USH2A: variants seen among roughly 807,000 people sequenced by gnomAD.
USH2A encodes usherin, also known as Usher syndrome 2A (autosomal recessive, mild).
A neutral mutation model predicts 538.9 loss-of-function variants in USH2A; 443 were observed. The observed-to-expected ratio is 0.82, with a 90% CI of 0.76 to 0.89. USH2A has a LOEUF of 0.89. Among genes scored for constraint, USH2A ranks in the 40% least tolerant of loss-of-function variants. USH2A has a pLI of 0.00. For missense variants in USH2A, 6,633 were observed against 6,324.8 expected, an observed-to-expected ratio of 1.05 and a Z score of -1.65; for synonymous variants, 2,413 against 2,273.5, an observed-to-expected ratio of 1.06 and a Z score of -1.75.
chr1:216,397,534 A>G (rs1050476180), intron 3 of USH2A, among the ~76,000 whole-genome samples: 1 of 152,248 alleles, frequency 6.6e-6, no homozygotes, highest in Non-Finnish European at 1.5e-5. Context: ...TAAAGCAGAC[A>G]GAAGAAGGGG....
chr1:215,788,046 T>G (rs1221146055), intron 51 of USH2A, among the ~76,000 whole-genome samples: 2 of 152,162 alleles, frequency 1.3e-5, no homozygotes, highest in South Asian at 2.1e-4. Flanking sequence ...TGTGTGTGTA[T>G]GTGTGTGTAT....
chr1:215,967,340 T>C (rs944089574), intron 36 of USH2A, among the ~76,000 whole-genome samples: 5 of 152,092 alleles, frequency 3.3e-5, no homozygotes, highest in African/African-American at 1.2e-4. Flanking sequence ...AGCTAACTTT[T>C]GTATTTTTAG....
chr1:215,795,796 G>T (rs1042911105), intron 50 of USH2A, among the ~76,000 whole-genome samples: 1 of 152,146 alleles, frequency 6.6e-6, no homozygotes, highest in African/African-American at 2.4e-5. Context: ...ACGTTACTAT[G>T]ACTTTAAGCA....
At chr1:215,723,813 G>A (rs999270663) in intron 61 of USH2A, among the ~76,000 whole-genome samples, 1 of 152,156 alleles carries the variant, frequency 6.6e-6, no homozygotes, top group African/African-American at 2.4e-5. Flanking sequence ...TACTTGGGAT[G>A]CGATTTAAAA....
chr1:216,043,345 C>CA (rs2030371312), intron 32 of USH2A, among the ~76,000 whole-genome samples: 1 of 151,706 alleles, frequency 6.6e-6, no homozygotes, highest in South Asian at 2.1e-4. Context: ...ATTGCAGTCC[C>CA]AATATGCTTC....
intron 37 of USH2A, among the ~76,000 whole-genome samples, chr1:215,943,507 A>G (rs924896617): frequency 1.3e-5 from 2 of 152,164 alleles, no homozygotes; most frequent in East Asian, 1.9e-4. Flanking sequence ...GATTAGAAAC[A>G]TAACTTAATT....
chr1:216,254,870 TG>T (rs1256124106), intron 11 of USH2A, among the ~76,000 whole-genome samples: 1 of 152,218 alleles, frequency 6.6e-6, no homozygotes, highest in African/African-American at 2.4e-5. Context: ...CAATTTTTAT[TG>T]TTTTTAGCCA....
chr1:216,040,117 A>G (rs2030208977), intron 32 of USH2A, among the ~76,000 whole-genome samples: 1 of 151,292 alleles, frequency 6.6e-6, no homozygotes, highest in Admixed American at 6.6e-5. Context: ...GCTATTATCT[A>G]TATCTTACTG....
chr1:216,232,214 A>G lies in USH2A; in HGVS notation c.2810-78T>C. 2.1e-6 allele frequency: 3 copies of G among 1,447,752 alleles called. No individual in the cohort carries two copies. In the South Asian group the frequency reaches 3.9e-5, roughly 19 times the overall value. The allele number at this position is 1,447,752 out of a possible 1,614,324, so 89.7% of individuals were successfully genotyped here. ...TTTAAAGCATAATAATTGATTACACAGAAAAACAGAATACTCTACCAAGGC... is the reference window on the plus strand; with the variant it reads ...TTTAAAGCATAATAATTGATTACACGGAAAAACAGAATACTCTACCAAGGC... On this transcript the variant is annotated intron_variant, in intron 13 of 71. Transcript: ENST00000307340.
chr1:216,164,118 T>C (rs984327867), intron 21 of USH2A, among the ~76,000 whole-genome samples: 4 of 152,082 alleles, frequency 2.6e-5, no homozygotes. Flanking sequence ...CTTGTGTTGC[T>C]CAGTATCCTT....
chr1:215,856,832 G>GGT (rs71159889), intron 44 of USH2A, among the ~76,000 whole-genome samples: 30,757 of 141,702 alleles, frequency 0.22, 3,300 homozygotes, highest in South Asian at 0.31. Flanking sequence ...AAAAAAATTT[G>GGT]GTGTGTGTGT....
At chr1:215,633,680 G>A (rs375671515) in intron 70 of USH2A, among the ~76,000 whole-genome samples, 3 of 152,154 alleles carry the variant, frequency 2.0e-5, no homozygotes, top group South Asian at 2.1e-4. Context: ...TCAGGGAGAC[G>A]TAGCCCTGTG....
chr1:215,843,108 C>T (rs764900715), intron 46 of USH2A, among the ~76,000 whole-genome samples: 1 of 151,924 alleles, frequency 6.6e-6, no homozygotes, highest in Non-Finnish European at 1.5e-5. Context: ...TGGTTGTAGC[C>T]AGATGATTAT....
At chr1:215,683,064 T>A (rs1040653841) in intron 61 of USH2A, among the ~76,000 whole-genome samples, 1 of 152,026 alleles carries the variant, frequency 6.6e-6, no homozygotes, top group South Asian at 2.1e-4. Context: ...TCTTTCCTTT[T>A]TTTGTAGGGA....
rs775307880 is a variant in USH2A at position 215,648,705 on chromosome 1, G to A, written c.14405C>T (p.Ser4802Phe). ...GCAGGTGCAGGCCTCTACTCCAATA[G>A]AGTAGTTAGTGAAGGCTTGAAGGCC... ...LHGLQAFTNY[S>F]IGVEACTCFN... Residue 4802 changes from serine (S) to phenylalanine (F), a missense_variant, in exon 66 of 72, where the codon TCT becomes TTT. Transcript: ENST00000307340. 9.3e-6 allele frequency: 15 copies of A among 1,614,194 alleles called. No homozygotes were observed. Among genetic ancestry groups the A allele is most frequent in the African/African-American group, 1.3e-5 (1 of 75,064 alleles).
chr1:215,779,351 T>TA (rs1311085603), intron 55 of USH2A, among the ~76,000 whole-genome samples: 1 of 152,046 alleles, frequency 6.6e-6, no homozygotes, highest in Non-Finnish European at 1.5e-5. Context: ...TATAATAAAT[T>TA]AAAAAAACAC....
intron 11 of USH2A, among the ~76,000 whole-genome samples, chr1:216,282,071 C>A (rs1039110594): frequency 6.6e-6 from 1 of 151,870 alleles, no homozygotes; most frequent in Admixed American, 6.6e-5. Flanking sequence ...TTTGATTATT[C>A]ACTTCAAGTT....
intron 4 of USH2A, among the ~76,000 whole-genome samples, chr1:216,330,546 T>C (rs759747148): frequency 2.2e-4 from 34 of 151,400 alleles, no homozygotes; most frequent in African/African-American, 8.3e-4. Flanking sequence ...TGCAAGGAGC[T>C]AGCATCCTGG....
At chr1:216,265,871 G>A (rs1302956798) in intron 11 of USH2A, among the ~76,000 whole-genome samples, 2 of 152,022 alleles carry the variant, frequency 1.3e-5, no homozygotes, top group African/African-American at 2.4e-5. Flanking sequence ...GTAGAAGGTC[G>A]AATAGTGGTT....
Sources: gnomAD v4.1 joint callset for allele counts (sites outside exome capture counted in the v4.1 genomes callset) on GRCh38, gnomAD v4.1.1 for gene constraint, MANE v1.5 for transcripts, NCBI Gene and HGNC (gene_info 2026-07-23, HGNC 2026-07-21) for gene names.